The following NCR1 variants were observed in gnomAD, a reference collection of about 807,000 sequenced individuals.
NCR1 encodes the protein natural cytotoxicity triggering receptor 1.
A neutral mutation model predicts 32.5 loss-of-function variants in NCR1; 30 were observed. That is an observed-to-expected ratio of 0.92 (90% CI 0.69 to 1.25). NCR1 has a LOEUF of 1.25. Ranked by LOEUF, NCR1 falls within the 50% of genes most tolerant of loss-of-function variation. The probability of loss-of-function intolerance (pLI) is 0.00; values close to 1 mark genes in which losing one functional copy is unlikely to be tolerated. For synonymous variants in NCR1, 169 were observed against 143.4 expected (o/e 1.18, Z -1.28); for missense variants, 369 against 380.7 (o/e 0.97, Z 0.26).
chr19:54,937,377 G>A, the NCR1 span, among the ~76,000 whole-genome samples: 1 of 151,356 alleles, frequency 6.6e-6, no homozygotes, highest in African/African-American at 2.4e-5. Context: ...GGTTTGTTTT[G>A]GTAACAAAAC....
the NCR1 span, chr19:54,923,726 C>T: frequency 3.5e-5 from 56 of 1,612,194 alleles, no homozygotes; most frequent in African/African-American, 6.7e-5. Flanking sequence ...ATTCGTAGAG[C>T]GATCCCAGGC....
At chr19:54,923,204 A>C in the NCR1 span, among the ~76,000 whole-genome samples, 1 of 152,194 alleles carries the variant, frequency 6.6e-6, no homozygotes, top group African/African-American at 2.4e-5. Flanking sequence ...TCCATGTCCA[A>C]AGGCACAGCT....
chr19:54,898,245 C>A, the NCR1 span, among the ~76,000 whole-genome samples: 1 of 152,142 alleles, frequency 6.6e-6, no homozygotes, highest in African/African-American at 2.4e-5. Flanking sequence ...GTTGAACAGT[C>A]CGATTTTCAG....
At chr19:54,938,098 A>G in the NCR1 span, 1 of 1,614,142 alleles carries the variant, frequency 6.2e-7, no homozygotes, top group Non-Finnish European at 8.5e-7. Flanking sequence ...AAGAATCCGC[A>G]CAGAAGAGTC....
At chr19:54,903,347 TATGCATATATACATACATGTATATATAC>T (rs2067342966), upstream of NCR1, among the ~76,000 whole-genome samples, 3 of 125,392 alleles carry the variant, frequency 2.4e-5, no homozygotes, top group African/African-American at 1.1e-4. Flanking sequence ...TATATACATA[TATGCATATATACATACATGTATATATAC>T]ATGTATGTAT....
chr19:54,907,177 C>T (rs1469632898), intron 3 of NCR1, among the ~76,000 whole-genome samples: 2 of 149,622 alleles, frequency 1.3e-5, no homozygotes, highest in Admixed American at 6.7e-5. Context: ...TGTTTTGAGA[C>T]GGAGTTTCGC....
At chr19:54,919,381 C>T (rs201249849), downstream of NCR1, among the ~76,000 whole-genome samples, 11,217 of 151,888 alleles carry the variant, frequency 0.074, 126 homozygotes, top group Middle Eastern at 0.22. Flanking sequence ...GGTAAGGTCA[C>T]GTGGGTCACG....
the NCR1 span, chr19:54,923,606 G>A: frequency 2.0e-6 from 2 of 1,021,128 alleles, no homozygotes; most frequent in Non-Finnish European, 3.1e-6. Flanking sequence ...CAAAAATAGT[G>A]AGAAAACCAG....
In NCR1 at chr19:54,906,792, G is replaced by T. The variant is rs1182815930; in HGVS notation, c.340G>T (p.Asp114Tyr). 6.2e-7 allele frequency: 1 copy of T among 1,614,134 alleles called. No homozygotes were observed. Among genetic ancestry groups the T allele is most frequent in the Admixed American group, 1.7e-5 (1 of 60,024 alleles). ...CTGGTCAGAGCCCAGCAACTTGCTG[G>T]ATCTGGTGGTAACAGGTAACTGTCC... ...ELWSEPSNLL[D>Y]LVVTEMYDTP... The change falls in exon 3 of 7, where the codon GAT becomes TAT. Residue 114 changes from aspartate (D) to tyrosine (Y), a missense_variant. Physicochemically the swap from Asp to Tyr is radical, Grantham distance 160. Transcript: ENST00000291890.
chr19:54,903,411 C>T (rs931957755), upstream of NCR1, among the ~76,000 whole-genome samples: 1,547 of 127,440 alleles, frequency 0.012, 51 homozygotes, highest in South Asian at 0.026. Flanking sequence ...TGTATGTATA[C>T]ACGCATACAT....
Position 54,912,994 on chromosome 19 carries a change from C to T in NCR1, c.*123C>T. On this transcript the variant is annotated 3_prime_UTR_variant, in exon 7 of 7. Transcript: ENST00000291890. ...CACTGCAGGGAAAGAGGGACACTGG[C>T]ATTCCATTTGTCAGAGCATCCCGGA... 1.1e-6 allele frequency: 1 copy of T among 871,800 alleles called. No individual in the cohort carries two copies. The highest frequency in any genetic ancestry group is 1.7e-6 in the Non-Finnish European group (1 of 579,274). 54.0% of individuals were successfully genotyped at this position (871,800 alleles called of 1,614,324 possible).
chr19:54,900,429 CAGG>C, the NCR1 span, among the ~76,000 whole-genome samples: 2 of 152,034 alleles, frequency 1.3e-5, no homozygotes, highest in Non-Finnish European at 2.9e-5. Context: ...CGGGATGAGC[CAGG>C]AGAAGGAATT....
chr19:54,936,877 T>A, the NCR1 span, among the ~76,000 whole-genome samples: 1 of 151,278 alleles, frequency 6.6e-6, no homozygotes, highest in African/African-American at 2.4e-5. Context: ...ACCGCACCAC[T>A]GCACTCCAGC....
intron 5 of NCR1, among the ~76,000 whole-genome samples, chr19:54,911,357 A>AG (rs1491381846): frequency 7.8e-6 from 1 of 128,448 alleles, no homozygotes; most frequent in African/African-American, 2.9e-5. Flanking sequence ...TCAAAAAAAA[A>AG]GAAAAAGAAA....
At chr19:54,920,941 G>C (rs1417511820), downstream of NCR1, among the ~76,000 whole-genome samples, 1 of 151,968 alleles carries the variant, frequency 6.6e-6, no homozygotes, top group East Asian at 1.9e-4. Context: ...TCACGCCACT[G>C]CACTCCAGCC....
At chr19:54,919,165 T>G (rs1323048688), downstream of NCR1, among the ~76,000 whole-genome samples, 1 of 152,018 alleles carries the variant, frequency 6.6e-6, no homozygotes, top group Non-Finnish European at 1.5e-5. Context: ...ACAGGGTCGG[T>G]GGGTCTCTCC....
chr19:54,935,201 G>A, the NCR1 span, among the ~76,000 whole-genome samples: 15 of 147,748 alleles, frequency 1.0e-4, no homozygotes, highest in Admixed American at 5.6e-4. Context: ...TCACCAAAAC[G>A]GCCTGTGTGG....
At chr19:54,911,917 CAA>C (rs367770103) in intron 5 of NCR1, among the ~76,000 whole-genome samples, 7 of 136,272 alleles carry the variant, frequency 5.1e-5, no homozygotes, top group Non-Finnish European at 8.1e-5. Flanking sequence ...GACTCTATCT[CAA>C]AAAAAAAAAA....
At chr19:54,903,030 T>C (rs1470771095), upstream of NCR1, among the ~76,000 whole-genome samples, 1 of 151,860 alleles carries the variant, frequency 6.6e-6, no homozygotes, top group Non-Finnish European at 1.5e-5. Flanking sequence ...CTTGGGAGGC[T>C]AGAACAGGAG....
Sources: allele counts gnomAD v4.1 joint callset (sites outside exome capture counted in the v4.1 genomes callset), GRCh38; gene constraint gnomAD v4.1.1; transcripts MANE v1.5; gene names NCBI Gene and HGNC (gene_info 2026-07-23, HGNC 2026-07-21).